The following NME6 variants were observed in gnomAD, a reference collection of about 807,000 sequenced individuals.
NME6 encodes nucleoside diphosphate kinase 6, mitochondrial.
NME6 carries 16 observed loss-of-function variants against 22.2 expected under a neutral mutation model. The ratio of observed to expected loss-of-function variants is 0.72; its 90% CI spans 0.49 to 1.09. The LOEUF (loss-of-function observed/expected upper bound fraction) is 1.09. Ranked by LOEUF, NME6 falls within the 50% of genes least tolerant of loss-of-function variation. The pLI is 0.00. For missense variants in NME6, 229 were observed against 239.0 expected (o/e 0.96, Z 0.28); for synonymous variants, 58 against 85.2 (o/e 0.68, Z 1.76).
chr3:48,296,411 G>C (rs978794257), intron 3 of NME6, among the ~76,000 whole-genome samples: 8 of 152,094 alleles, frequency 5.3e-5, no homozygotes, highest in African/African-American at 1.9e-4. Context: ...CTACTTTTTA[G>C]GGTTGTTGGG....
At chr3:48,301,367 CA>C, upstream of NME6, 1 of 1,556,226 alleles carries the variant, frequency 6.4e-7, no homozygotes, top group South Asian at 1.2e-5. Context: ...TCCTCCGGCA[CA>C]GGGCCCGGCC....
intron 1 of NME6, chr3:48,299,400 A>AAT (rs1468140231): frequency 6.3e-6 from 1 of 157,518 alleles, no homozygotes; most frequent in Admixed American, 6.4e-5. Flanking sequence ...ATACGTGAGA[A>AAT]ATTTATCACC....
At chr3:48,290,260 A>G (rs563051085), downstream of NME6, among the ~76,000 whole-genome samples, 18 of 151,410 alleles carry the variant, frequency 1.2e-4, no homozygotes, top group African/African-American at 4.4e-4. Flanking sequence ...ATTAAAAAAA[A>G]ATTTTTTTTT....
At chr3:48,295,013 C>T in intron 5 of NME6, 62 bp downstream of exon 5, 1 of 1,557,862 alleles carries the variant, frequency 6.4e-7, no homozygotes, top group Non-Finnish European at 8.7e-7. Flanking sequence ...TGGCTGTCAA[C>T]TCTACCACAC....
intron 4 of NME6, chr3:48,295,659 A>G (rs982889495): frequency 4.2e-6 from 1 of 240,094 alleles, no homozygotes; most frequent in South Asian, 7.0e-5. Flanking sequence ...CTCCTGCCTC[A>G]GCTTCCCGAG....
At chr3:48,299,873 CACAGGTGGTA>C (rs1417540955) in intron 1 of NME6, among the ~76,000 whole-genome samples, 1 of 152,164 alleles carries the variant, frequency 6.6e-6, no homozygotes. Flanking sequence ...TCCCTAATGC[CACAGGTGGTA>C]ACACGTCATT....
intron 3 of NME6, 181 bp from the exon 4 acceptor site, chr3:48,296,339 G>C (rs2035100662): frequency 1.2e-6 from 1 of 800,606 alleles, no homozygotes; most frequent in Non-Finnish European, 2.1e-6. Flanking sequence ...GCGTAGTTTT[G>C]GGTAAATCAT....
chr3:48,298,558 G>GACGGCACTC (rs772394180), intron 1 of NME6, 35 bp from the exon 2 acceptor site: 28 of 1,489,538 alleles, frequency 1.9e-5, no homozygotes, highest in Non-Finnish European at 2.5e-5. Flanking sequence ...AACCCTTCAG[G>GACGGCACTC]ACGGCACTCC....
At chr3:48,299,373 A>G (rs1260336500) in intron 1 of NME6, 1 of 162,848 alleles carries the variant, frequency 6.1e-6, no homozygotes, top group Non-Finnish European at 1.3e-5. Context: ...GTCTTTTCCA[A>G]TTGTGAAATC....
chr3:48,296,627 G>A, intron 3 of NME6, 100 bp downstream of exon 3: 1 of 794,000 alleles, frequency 1.3e-6, no homozygotes, highest in Non-Finnish European at 2.1e-6. Context: ...ACTGTACACG[G>A]TTGGTAGGTC....
In NME6 at chr3:48,295,033, G is replaced by A. The variant is rs368128137; in HGVS notation, c.394+42C>T. 2.5e-3 allele frequency: 4,003 copies of A among 1,588,842 alleles called. 113 individuals carry two copies. In the South Asian group the frequency reaches 0.043, roughly 17 times the overall value. On this transcript the variant is annotated intron_variant, in intron 5 of 5. Coordinates refer to ENST00000442597, the MANE Select transcript of NME6 (RefSeq NM_001308426.2). ...GTCAACTCTACCACACAGCCTGCCC[G>A]CTAACCCCAAAATATCCTATGGCTA...
At chr3:48,289,751 C>T (rs1490024328), downstream of NME6, among the ~76,000 whole-genome samples, 5 of 152,114 alleles carry the variant, frequency 3.3e-5, no homozygotes, top group Non-Finnish European at 7.3e-5. Context: ...TGGGGGAAAA[C>T]CAACACATGT....
At chr3:48,289,043 C>T (rs758265328), downstream of NME6, among the ~76,000 whole-genome samples, 27 of 151,646 alleles carry the variant, frequency 1.8e-4, no homozygotes, top group Non-Finnish European at 3.4e-4. Context: ...ATGGGGGTGA[C>T]CTGAAGAGAT....
chr3:48,289,333 T>C (rs2034308451), downstream of NME6, among the ~76,000 whole-genome samples: 1 of 152,192 alleles, frequency 6.6e-6, no homozygotes, highest in South Asian at 2.1e-4. Context: ...CCTCCCAAAG[T>C]GCCAGGATTA....
intron 1 of NME6, 27 bp downstream of exon 1, chr3:48,301,326 G>A: frequency 6.3e-7 from 1 of 1,586,200 alleles, no homozygotes; most frequent in Non-Finnish European, 8.6e-7. Context: ...GAGCCCCAGT[G>A]CAGCAGAAGT....
intron 4 of NME6, 103 bp from the exon 5 acceptor site, chr3:48,295,338 T>C: frequency 7.7e-7 from 1 of 1,294,752 alleles, no homozygotes; most frequent in South Asian, 1.5e-5. Flanking sequence ...TCTGAGAGTT[T>C]TCCTGCCTTT....
chr3:48,296,873 G>C, intron 2 of NME6, 44 bp from the exon 3 acceptor site: 1 of 1,457,094 alleles, frequency 6.9e-7, no homozygotes, highest in African/African-American at 1.4e-5. Flanking sequence ...TCAGGAGACT[G>C]AAACTGACCA....
chr3:48,294,533 C>A lies in NME6; in HGVS notation c.*104G>T. The A allele has an allele frequency of 8.0e-7, 1 of 1,244,278 alleles. No individual in the cohort carries two copies. 77.1% of individuals were successfully genotyped at this position (1,244,278 alleles called of 1,614,324 possible). The stretch of plus-strand genomic sequence containing the variant: ...CCCTCAGGCAGGTGGTGGTGCCCAG[C>A]AGAAATGGCACTGTAAGCCAGGCTT... On this transcript the variant is annotated 3_prime_UTR_variant, in exon 6 of 6. Coordinates refer to ENST00000442597, the MANE Select transcript of NME6 (RefSeq NM_001308426.2).
At chr3:48,291,756 G>GTTTGT (rs775524762), downstream of NME6, 1 of 152,336 alleles carries the variant, frequency 6.6e-6, no homozygotes, top group Non-Finnish European at 1.5e-5. Context: ...ATAGGCAATA[G>GTTTGT]TTTGTTTTGT....
Sources: gnomAD v4.1 joint callset for allele counts (sites outside exome capture counted in the v4.1 genomes callset) on GRCh38, gnomAD v4.1.1 for gene constraint, MANE v1.5 for transcripts, NCBI Gene and HGNC (gene_info 2026-07-23, HGNC 2026-07-21) for gene names.